GALNT13: variants seen among roughly 807,000 people sequenced by gnomAD.
GALNT13 encodes the protein UDP-GalNAc:polypeptide N-acetylgalactosaminyltransferase 13.
GALNT13 carries 28 observed loss-of-function variants against 64.2 expected under a neutral mutation model. The observed-to-expected ratio is 0.44, with a 90% CI of 0.32 to 0.60. The LOEUF is 0.60. GALNT13 is among the 20% of genes least tolerant of loss of function. The pLI, the probability that GALNT13 is intolerant of heterozygous loss-of-function variation, is 0.05. For missense variants in GALNT13, 577 were observed against 669.8 expected (o/e 0.86, Z 1.53); for synonymous variants, 214 against 224.6 (o/e 0.95, Z 0.42).
At chr2:153,312,515 T>G in the GALNT13 span, among the ~76,000 whole-genome samples, 1 of 152,272 alleles carries the variant, frequency 6.6e-6, no homozygotes, top group South Asian at 2.1e-4. Context: ...GCTGTTTGAT[T>G]CATAGTTCCA....
chr2:153,902,683 T>C (rs1482379654), intron 2 of GALNT13, among the ~76,000 whole-genome samples: 1 of 151,874 alleles, frequency 6.6e-6, no homozygotes, highest in Non-Finnish European at 1.5e-5. Context: ...GCATGTGAGA[T>C]TTATTTGGAA....
At chr2:153,560,380 G>A in the GALNT13 span, among the ~76,000 whole-genome samples, 16 of 151,804 alleles carry the variant, frequency 1.1e-4, no homozygotes, top group African/African-American at 3.6e-4. Flanking sequence ...AACGCTAGAC[G>A]AATAGCGATA....
chr2:153,508,867 C>T, the GALNT13 span, among the ~76,000 whole-genome samples: 1,852 of 152,284 alleles, frequency 0.012, 34 homozygotes, highest in African/African-American at 0.042. Flanking sequence ...CATCTTCCCC[C>T]CTATAAATCT....
chr2:154,018,074 GGT>G (rs1373171501), intron 3 of GALNT13, among the ~76,000 whole-genome samples: 2 of 152,152 alleles, frequency 1.3e-5, no homozygotes, highest in Non-Finnish European at 2.9e-5. Context: ...AAGCTTGTCA[GGT>G]GTGATTCCTA....
chr2:153,291,063 C>T, the GALNT13 span, among the ~76,000 whole-genome samples: 1 of 151,902 alleles, frequency 6.6e-6, no homozygotes. Flanking sequence ...TGTGTTTTCT[C>T]AAAAAATAAA....
At chr2:153,413,960 A>T in the GALNT13 span, among the ~76,000 whole-genome samples, 1 of 152,210 alleles carries the variant, frequency 6.6e-6, no homozygotes, top group African/African-American at 2.4e-5. Flanking sequence ...TCCTATGACT[A>T]TTCTAAAAGT....
intron 9 of GALNT13, among the ~76,000 whole-genome samples, chr2:154,331,792 T>TC (rs1419693726): frequency 6.6e-6 from 1 of 151,596 alleles, no homozygotes; most frequent in Non-Finnish European, 1.5e-5. Flanking sequence ...TTTTTAAACT[T>TC]TTTTTTTTCT....
At chr2:154,204,473 A>G (rs1300439629) in intron 4 of GALNT13, among the ~76,000 whole-genome samples, 2 of 152,172 alleles carry the variant, frequency 1.3e-5, no homozygotes, top group East Asian at 3.9e-4. Context: ...TTCCAATTTA[A>G]AAGTTCCTGA....
intron 3 of GALNT13, among the ~76,000 whole-genome samples, chr2:153,972,181 T>C (rs1210656362): frequency 1.3e-5 from 2 of 152,080 alleles, no homozygotes; most frequent in Non-Finnish European, 2.9e-5. Flanking sequence ...TGAGAGAATA[T>C]GTTTCTGTTG....
At chr2:154,231,642 T>C (rs1688920927) in intron 4 of GALNT13, among the ~76,000 whole-genome samples, 1 of 151,714 alleles carries the variant, frequency 6.6e-6, no homozygotes, top group African/African-American at 2.4e-5. Flanking sequence ...GTTCTATTTC[T>C]ACAGTTTTAG....
At chr2:153,149,969 T>G in the GALNT13 span, among the ~76,000 whole-genome samples, 1 of 151,838 alleles carries the variant, frequency 6.6e-6, no homozygotes, top group Non-Finnish European at 1.5e-5. Context: ...TAGACAACTT[T>G]CAGTGGTTCA....
chr2:153,435,649 A>G, the GALNT13 span, among the ~76,000 whole-genome samples: 2 of 152,148 alleles, frequency 1.3e-5, no homozygotes, highest in East Asian at 3.9e-4. Context: ...TTGGTGTATA[A>G]GAATGCTTGT....
At chr2:153,570,314 G>T in the GALNT13 span, among the ~76,000 whole-genome samples, 1 of 152,040 alleles carries the variant, frequency 6.6e-6, no homozygotes, top group African/African-American at 2.4e-5. Flanking sequence ...TCCCTATAGT[G>T]TTGTTTAAGC....
intron 8 of GALNT13, among the ~76,000 whole-genome samples, chr2:154,273,932 C>A (rs1021032856): frequency 6.6e-6 from 1 of 151,494 alleles, no homozygotes; most frequent in Non-Finnish European, 1.5e-5. Context: ...AATCATTTTA[C>A]AAGTATTGTT....
intron 3 of GALNT13, among the ~76,000 whole-genome samples, chr2:153,957,367 C>T (rs562642829): frequency 3.3e-5 from 5 of 152,168 alleles, no homozygotes; most frequent in Admixed American, 6.5e-5. Context: ...TACCAAAGAG[C>T]GCAACCAGCA....
chr2:154,034,317 A>G (rs953314085), intron 3 of GALNT13, among the ~76,000 whole-genome samples: 2 of 152,226 alleles, frequency 1.3e-5, no homozygotes, highest in Non-Finnish European at 2.9e-5. Context: ...ATACACACAC[A>G]GGGTAACAAA....
intron 8 of GALNT13, among the ~76,000 whole-genome samples, chr2:154,277,424 T>A (rs1691710092): frequency 6.8e-6 from 1 of 147,178 alleles, no homozygotes; most frequent in Non-Finnish European, 1.5e-5. Flanking sequence ...GCAATAAATG[T>A]GCAACATCTT....
chr2:153,133,033 TA>T, the GALNT13 span, among the ~76,000 whole-genome samples: 1 of 150,904 alleles, frequency 6.6e-6, no homozygotes, highest in Non-Finnish European at 1.5e-5. Flanking sequence ...TAAACTGTGT[TA>T]ATTTTTTTTT....
At chr2:154,075,844 T>C (rs1700960635) in intron 3 of GALNT13, among the ~76,000 whole-genome samples, 1 of 151,760 alleles carries the variant, frequency 6.6e-6, no homozygotes, top group Non-Finnish European at 1.5e-5. Context: ...ATTTGCTTTG[T>C]AAAAGTTATT....
Sources: gnomAD v4.1 joint callset for allele counts (sites outside exome capture counted in the v4.1 genomes callset) on GRCh38, gnomAD v4.1.1 for gene constraint, MANE v1.5 for transcripts, NCBI Gene and HGNC (gene_info 2026-07-23, HGNC 2026-07-21) for gene names.